RANBP2: variants seen among roughly 807,000 people sequenced by gnomAD.
RANBP2 encodes the protein E3 SUMO-protein ligase RanBP2.
In RANBP2, 57 loss-of-function variants were observed where a neutral mutation model predicts 303.6. That is an observed-to-expected ratio of 0.19 (90% confidence interval 0.15 to 0.23). The LOEUF is 0.23. Ranked by LOEUF, RANBP2 falls within the 10% of genes least tolerant of loss-of-function variation. The pLI, the probability that RANBP2 is intolerant of heterozygous loss-of-function variation, is 1.00. For synonymous variants in RANBP2, 1,167 were observed against 1,301.5 expected (o/e 0.90, Z 2.23); for missense variants, 3,138 against 3,780.8 (o/e 0.83, Z 4.46).
intron 3 of RANBP2, 111 bp downstream of exon 3, chr2:108,730,996 G>T: frequency 7.8e-7 from 1 of 1,289,432 alleles, no homozygotes; most frequent in Non-Finnish European, 1.1e-6. Flanking sequence ...ACAGGCATTG[G>T]TATCATAGTA....
the RANBP2 span, among the ~76,000 whole-genome samples, chr2:109,760,973 C>T: frequency 3.8e-5 from 5 of 131,884 alleles, no homozygotes; most frequent in African/African-American, 1.5e-4. Flanking sequence ...TTCCCCCTCT[C>T]CTGTTCGCCT....
chr2:109,669,481 A>T, the RANBP2 span, among the ~76,000 whole-genome samples: 17 of 152,268 alleles, frequency 1.1e-4, no homozygotes, highest in East Asian at 2.7e-3. Context: ...ATACCAAAAA[A>T]CCTCCAGAAA....
At chr2:108,735,808 G>A (rs1695534816) in intron 5 of RANBP2, 46 bp downstream of exon 5, 2 of 1,597,538 alleles carry the variant, frequency 1.3e-6, no homozygotes, top group Non-Finnish European at 1.7e-6. Flanking sequence ...TAGGCAATTA[G>A]CATACATCTT....
the RANBP2 span, among the ~76,000 whole-genome samples, chr2:109,535,025 C>G: frequency 6.6e-6 from 1 of 152,076 alleles, no homozygotes; most frequent in Non-Finnish European, 1.5e-5. Flanking sequence ...TATCAGTGAT[C>G]GAGTTGACAC....
chr2:109,713,443 C>G, the RANBP2 span, among the ~76,000 whole-genome samples: 1 of 152,160 alleles, frequency 6.6e-6, no homozygotes, highest in African/African-American at 2.4e-5. Flanking sequence ...GGCTGAGTGT[C>G]AGCTCCAGAA....
the RANBP2 span, among the ~76,000 whole-genome samples, chr2:109,629,356 T>TATATATATATA: frequency 1.0e-3 from 8 of 7,774 alleles, no homozygotes; most frequent in Non-Finnish European, 1.7e-3. Context: ...TATATATATA[T>TATATATATATA]TTTTTTTTTT....
the RANBP2 span, among the ~76,000 whole-genome samples, chr2:109,377,768 A>T: frequency 6.6e-6 from 1 of 152,188 alleles, no homozygotes; most frequent in South Asian, 2.1e-4. Context: ...GCCTTGGTTG[A>T]TGCAGCAACA....
At chr2:109,354,404 G>C in the RANBP2 span, among the ~76,000 whole-genome samples, 1 of 152,264 alleles carries the variant, frequency 6.6e-6, no homozygotes, top group Non-Finnish European at 1.5e-5. Flanking sequence ...AAGTGGCGCA[G>C]CGTTCATGTG....
the RANBP2 span, among the ~76,000 whole-genome samples, chr2:109,495,477 CTTTTTTTTTT>C: frequency 1.1e-4 from 10 of 94,284 alleles, no homozygotes; most frequent in African/African-American, 1.8e-4. Flanking sequence ...TCTTTCATTC[CTTTTTTTTTT>C]TTTTTTTTTT....
intron 1 of RANBP2, among the ~76,000 whole-genome samples, chr2:108,723,395 C>G (rs1694439174): frequency 6.6e-6 from 1 of 151,794 alleles, no homozygotes; most frequent in African/African-American, 2.4e-5. Context: ...TTCTCCTGCC[C>G]CAGCCTGTAG....
At chr2:109,524,148 G>C in the RANBP2 span, among the ~76,000 whole-genome samples, 2 of 152,130 alleles carry the variant, frequency 1.3e-5, no homozygotes, top group Non-Finnish European at 2.9e-5. Context: ...GCCTAGTGGC[G>C]CAAGAGCAGG....
the RANBP2 span, among the ~76,000 whole-genome samples, chr2:109,594,051 T>C: frequency 2.6e-5 from 4 of 152,146 alleles, no homozygotes; most frequent in Non-Finnish European, 2.9e-5. Flanking sequence ...CAGTAGTGTA[T>C]AGACACAGGT....
the RANBP2 span, among the ~76,000 whole-genome samples, chr2:109,190,087 C>T: frequency 6.6e-5 from 10 of 152,308 alleles, no homozygotes; most frequent in African/African-American, 9.6e-5. Context: ...AAACTTTTCC[C>T]GTGATCATAT....
the RANBP2 span, among the ~76,000 whole-genome samples, chr2:108,951,982 C>A: frequency 6.6e-6 from 1 of 152,212 alleles, no homozygotes; most frequent in Non-Finnish European, 1.5e-5. Context: ...GACAAAAGAC[C>A]ATGCAGGCAG....
At chr2:109,256,898 AT>A in the RANBP2 span, among the ~76,000 whole-genome samples, 2 of 152,010 alleles carry the variant, frequency 1.3e-5, no homozygotes, top group African/African-American at 4.8e-5. Flanking sequence ...ATTGAATGGC[AT>A]TTTTATGTGT....
the RANBP2 span, among the ~76,000 whole-genome samples, chr2:108,852,983 A>G: frequency 6.6e-6 from 1 of 152,236 alleles, no homozygotes; most frequent in Admixed American, 6.5e-5. Context: ...TGTTTGTATC[A>G]AAGTTAATAT....
the RANBP2 span, among the ~76,000 whole-genome samples, chr2:109,423,859 G>A: frequency 4.6e-5 from 7 of 152,170 alleles, no homozygotes; most frequent in Non-Finnish European, 8.8e-5. Flanking sequence ...CACCCCTGCC[G>A]CCTGCACCTC....
the RANBP2 span, among the ~76,000 whole-genome samples, chr2:108,911,331 G>A: frequency 6.6e-6 from 1 of 152,174 alleles, no homozygotes; most frequent in East Asian, 1.9e-4. Context: ...ATTGTTCCTA[G>A]GGAGTTTGCT....
chr2:109,626,764 G>A, the RANBP2 span, among the ~76,000 whole-genome samples: 1 of 152,250 alleles, frequency 6.6e-6, no homozygotes, highest in Non-Finnish European at 1.5e-5. Context: ...CTTCTGCCAA[G>A]CTGCCTTGCA....
Sources: gnomAD v4.1 joint callset for allele counts (sites outside exome capture counted in the v4.1 genomes callset) on GRCh38, gnomAD v4.1.1 for gene constraint, MANE v1.5 for transcripts, NCBI Gene and HGNC (gene_info 2026-07-23, HGNC 2026-07-21) for gene names.